BLM: variants seen among roughly 807,000 people sequenced by gnomAD.
BLM encodes the protein BLM RecQ like helicase.
In BLM, 95 loss-of-function variants were observed where a neutral mutation model predicts 135.3. The observed-to-expected ratio is 0.70, with a 90% CI of 0.59 to 0.83. The LOEUF is 0.83. Ranked by LOEUF, BLM falls within the 40% of genes least tolerant of loss-of-function variation. The probability of loss-of-function intolerance (pLI) is 0.00; values close to 1 mark genes in which losing one functional copy is unlikely to be tolerated. For missense variants in BLM, 1,518 were observed against 1,663.9 expected (o/e 0.91, Z 1.53); for synonymous variants, 520 against 589.2 (o/e 0.88, Z 1.70).
intron 13 of BLM, 57 bp downstream of exon 13, chr15:90,782,985 C>A: frequency 1.5e-6 from 2 of 1,316,728 alleles, no homozygotes; most frequent in Non-Finnish European, 2.2e-6. Flanking sequence ...TTTAGTACCA[C>A]AATAAGATAT....
chr15:90,753,278 C>G (rs1895736094), intron 4 of BLM, among the ~76,000 whole-genome samples: 1 of 152,154 alleles, frequency 6.6e-6, no homozygotes, highest in African/African-American at 2.4e-5. Flanking sequence ...AGAAGGAATA[C>G]TAGTAGTCCC....
At chr15:90,784,022 C>T (rs1261456395) in intron 13 of BLM, among the ~76,000 whole-genome samples, 1 of 152,154 alleles carries the variant, frequency 6.6e-6, no homozygotes, top group Non-Finnish European at 1.5e-5. Flanking sequence ...TACTAGCATA[C>T]TATATACGTT....
In BLM at chr15:90,814,467, C is replaced by T. The variant is rs28363371; in HGVS notation, c.4077-635C>T. 2.6e-5 allele frequency among the ~76,000 whole-genome samples: 4 copies of T among 152,092 alleles called. No homozygotes were observed. The East Asian group carries it at 5.8e-4, about 22-fold the overall frequency. ...CTTCTTCCTTGGCTTTAGAAGGCAG[C>T]GAGTGGGAGGGAGAGCTGGCAGATC... On this transcript the variant is annotated intron_variant, in intron 21 of 21. Coordinates refer to ENST00000355112, the MANE Select transcript of BLM (RefSeq NM_000057.4).
chr15:90,743,373 G>T (rs1895419368), intron 1 of BLM, among the ~76,000 whole-genome samples: 1 of 152,146 alleles, frequency 6.6e-6, no homozygotes, highest in South Asian at 2.1e-4. Flanking sequence ...TGTGATTCTT[G>T]TGGTCATTCT....
intron 14 of BLM, among the ~76,000 whole-genome samples, chr15:90,787,588 G>A (rs1335584493): frequency 2.6e-5 from 4 of 152,090 alleles, no homozygotes; most frequent in Non-Finnish European, 5.9e-5. Context: ...GATATAAGAA[G>A]ACTTAATATA....
At chr15:90,755,648 CT>C (rs1245879994) in intron 5 of BLM, among the ~76,000 whole-genome samples, 6 of 151,992 alleles carry the variant, frequency 3.9e-5, no homozygotes, top group Non-Finnish European at 8.8e-5. Flanking sequence ...GGCATTATTT[CT>C]TTTTACCTTC....
rs550417200 is a variant in BLM at position 90,761,211 on chromosome 15, C to T, written c.1838C>T (p.Thr613Ile). 20 of 1,533,864 alleles carry T rather than the reference C, an allele frequency of 1.3e-5. No homozygotes were observed. In the African/African-American group the frequency reaches 2.4e-4, roughly 18 times the overall value. The change falls in exon 7 of 22, where the codon ACT becomes ATT. Residue 613 changes from threonine (T) to isoleucine (I), a missense_variant. This residue lies in a region of BLM where 724 missense variants were observed against 756.9 expected (regional missense o/e 0.96). Coordinates refer to ENST00000355112, the MANE Select transcript of BLM (RefSeq NM_000057.4). ...AKTDCLPVSSTAQNINFSESI... is the reference protein window; with the variant it reads ...AKTDCLPVSSIAQNINFSESI... ...ACAGACTGTCTTCCAGTGTCATCTA[C>T]TGCTCAAAATATAAACTTCTCAGAG...
chr15:90,786,178 A>G (rs1224767442), intron 14 of BLM, among the ~76,000 whole-genome samples: 2 of 151,672 alleles, frequency 1.3e-5, no homozygotes, highest in Non-Finnish European at 2.9e-5. Flanking sequence ...TGTATAGACG[A>G]GGTCTCCCTG....
intron 15 of BLM, among the ~76,000 whole-genome samples, chr15:90,791,401 T>C (rs917927996): frequency 6.6e-6 from 1 of 152,172 alleles, no homozygotes; most frequent in African/African-American, 2.4e-5. Flanking sequence ...GATTATATTA[T>C]ACATACTTTA....
At chr15:90,725,815 G>C (rs1894898948) in intron 1 of BLM, among the ~76,000 whole-genome samples, 1 of 151,696 alleles carries the variant, frequency 6.6e-6, no homozygotes, top group Non-Finnish European at 1.5e-5. Context: ...CCAGCCTACA[G>C]TCCCTTTTTT....
At chr15:90,742,907 A>G (rs753763386) in intron 1 of BLM, among the ~76,000 whole-genome samples, 21 of 150,752 alleles carry the variant, frequency 1.4e-4, no homozygotes, top group Non-Finnish European at 2.5e-4. Flanking sequence ...AAGTGCTAGT[A>G]TTACAAGTGT....
Position 90,814,215 on chromosome 15 carries a change from C to T in BLM, c.4077-887C>T, listed in dbSNP as rs28385175. Among the ~76,000 whole-genome samples, 798 of 152,314 alleles carry T rather than the reference C, an allele frequency of 5.2e-3. 9 individuals are homozygous for T. The highest frequency in any genetic ancestry group is 0.018 in the African/African-American group (769 of 41,572). ...TACCCTCAATTCAGACGGGAGGCTA[C>T]TTGTATGCCCTGGTGCCGTGGAATT... On this transcript the variant is annotated intron_variant, in intron 21 of 21. Transcript: ENST00000355112.
intron 19 of BLM, among the ~76,000 whole-genome samples, chr15:90,806,952 A>T (rs1221413127): frequency 6.6e-6 from 1 of 152,252 alleles, no homozygotes; most frequent in African/African-American, 2.4e-5. Flanking sequence ...ACTGATTTAG[A>T]CATTGATTTT....
At chr15:90,794,567 T>C (rs990287051) in intron 16 of BLM, among the ~76,000 whole-genome samples, 1 of 151,798 alleles carries the variant, frequency 6.6e-6, no homozygotes, top group African/African-American at 2.4e-5. Context: ...TTAAAAAATA[T>C]AATGGACATC....
At chr15:90,791,405 T>A (rs1266566938) in intron 15 of BLM, among the ~76,000 whole-genome samples, 1 of 152,132 alleles carries the variant, frequency 6.6e-6, no homozygotes, top group Non-Finnish European at 1.5e-5. Context: ...ATATTATACA[T>A]ACTTTATATA....
chr15:90,757,371 C>G (rs981485407), intron 5 of BLM, among the ~76,000 whole-genome samples: 1 of 152,154 alleles, frequency 6.6e-6, no homozygotes, highest in African/African-American at 2.4e-5. Context: ...TCTGTCTAGA[C>G]AAGGAGTCTT....
chr15:90,739,851 G>A (rs879714253), intron 1 of BLM, among the ~76,000 whole-genome samples: 2 of 152,000 alleles, frequency 1.3e-5, no homozygotes, highest in Admixed American at 1.3e-4. Flanking sequence ...CTGCAGCCTC[G>A]ACTTCCTGGT....
At chr15:90,810,433 G>A (rs971609437) in intron 20 of BLM, among the ~76,000 whole-genome samples, 1 of 152,180 alleles carries the variant, frequency 6.6e-6, no homozygotes, top group Non-Finnish European at 1.5e-5. Context: ...GTGAGCCAGG[G>A]TTGGAGCAGC....
At chr15:90,799,735 G>A (rs1313202940) in intron 17 of BLM, among the ~76,000 whole-genome samples, 3 of 151,578 alleles carry the variant, frequency 2.0e-5, no homozygotes, top group East Asian at 3.9e-4. Flanking sequence ...ACCCTCTTAG[G>A]TTCAGTGATG....
Sources: allele counts gnomAD v4.1 joint callset (sites outside exome capture counted in the v4.1 genomes callset), GRCh38; gene constraint gnomAD v4.1.1; regional missense constraint gnomAD v4.1.1; transcripts MANE v1.5; gene names NCBI Gene and HGNC (gene_info 2026-07-23, HGNC 2026-07-21).